Variants in SHPRH observed in about 807,000 individuals in gnomAD.
The protein encoded by SHPRH is SNF2 histone linker PHD RING helicase, also known as E3 ubiquitin-protein ligase SHPRH.
SHPRH carries 106 observed loss-of-function variants against 202.5 expected under a neutral mutation model. The ratio of observed to expected loss-of-function variants is 0.52; its 90% CI spans 0.45 to 0.62. The LOEUF is 0.62. SHPRH is among the 20% of genes least tolerant of loss of function. The probability of loss-of-function intolerance (pLI) is 0.00; values close to 1 mark genes in which losing one functional copy is unlikely to be tolerated. For synonymous variants in SHPRH, 729 were observed against 686.0 expected, an observed-to-expected ratio of 1.06 and a Z score of -0.98; for missense variants, 1,710 against 2,020.0, an observed-to-expected ratio of 0.85 and a Z score of 2.94.
chr6:145,887,239 C>G (rs949469540), intron 29 of SHPRH, among the ~76,000 whole-genome samples: 2 of 152,116 alleles, frequency 1.3e-5, no homozygotes, highest in Non-Finnish European at 2.9e-5. Flanking sequence ...CTTGTGGAAG[C>G]CTCTTTCCTT....
rs757776066 is a variant in SHPRH, at chr6:145,913,527, C to A, written c.4277G>T (p.Gly1426Val). 1 of 1,608,804 alleles carries A rather than the reference C, an allele frequency of 6.2e-7. No individual in the cohort carries two copies. The highest frequency in any genetic ancestry group is 1.1e-5 in the South Asian group (1 of 90,116). Residue 1426 changes from glycine (G) to valine (V), a missense_variant, in exon 24 of 30, where the codon GGT becomes GTT. Gly to Val is a moderately radical substitution (Grantham distance 109, BLOSUM62 -3). Transcript: ENST00000275233. ...GATTGGGCAAGGTTCTGGATTAACA[C>A]CTCCCGATGTTTTATCTTGAGACTA... is the stretch of plus-strand genomic sequence containing the variant. Reference protein sequence around the residue: ...LEKSQDKTSGGVNPEPCPICA... With the variant: ...LEKSQDKTSGVVNPEPCPICA...
At chr6:145,900,840 G>C (rs1215852171) in intron 25 of SHPRH, among the ~76,000 whole-genome samples, 1 of 152,018 alleles carries the variant, frequency 6.6e-6, no homozygotes, top group African/African-American at 2.4e-5. Flanking sequence ...TAAATATGCT[G>C]TATTGTGATT....
At chr6:145,894,668 T>G (rs1487126929) in intron 26 of SHPRH, among the ~76,000 whole-genome samples, 1 of 152,036 alleles carries the variant, frequency 6.6e-6, no homozygotes, top group African/African-American at 2.4e-5. Context: ...TAAATGAAAC[T>G]AATAAAAAGT....
At position 145,954,611 on chromosome 6, in the gene SHPRH, A is replaced by C. The variant is rs1006345124; in HGVS notation, c.633+79T>G. The C allele has an allele frequency of 4.8e-6, 7 of 1,445,994 alleles. No individual in the cohort carries two copies. The Admixed American group carries it at 9.5e-5, about 20-fold the overall frequency. 89.6% of individuals were successfully genotyped at this position (1,445,994 alleles called of 1,614,324 possible). A position where few individuals can be genotyped will look rare whatever the true frequency, so the allele number is the denominator to read the frequency against. ...GAAAGGCTTATTGCTGGCTTTTCAGACTTCTCTCACAAGTTAATTTAAAAT... is the reference window on the plus strand; with the variant it reads ...GAAAGGCTTATTGCTGGCTTTTCAGCCTTCTCTCACAAGTTAATTTAAAAT... On this transcript the variant is annotated intron_variant, in intron 2 of 29. Coordinates refer to ENST00000275233, the MANE Select transcript of SHPRH (RefSeq NM_001042683.3).
chr6:145,937,216 T>C (rs1411477734), intron 11 of SHPRH, among the ~76,000 whole-genome samples: 1 of 152,008 alleles, frequency 6.6e-6, no homozygotes, highest in African/African-American at 2.4e-5. Flanking sequence ...ACTCCTGACC[T>C]CAGATGATCC....
chr6:145,960,548 G>C (rs192692318), intron 1 of SHPRH, among the ~76,000 whole-genome samples: 72 of 152,270 alleles, frequency 4.7e-4, no homozygotes, highest in Non-Finnish European at 7.5e-4. Context: ...TTAGCAAAGC[G>C]ATGTGGCTTA....
intron 25 of SHPRH, among the ~76,000 whole-genome samples, chr6:145,901,094 T>C (rs999779945): frequency 6.6e-6 from 1 of 152,132 alleles, no homozygotes; most frequent in Non-Finnish European, 1.5e-5. Context: ...ACCATAAATA[T>C]ATACAATATT....
chr6:145,873,716 G>C (rs954848847), intron 2 of SHPRH, among the ~76,000 whole-genome samples: 2 of 142,508 alleles, frequency 1.4e-5, no homozygotes, highest in African/African-American at 2.6e-5. Context: ...AGGAAGGAAG[G>C]GAGGGAGGGA....
At chr6:145,932,161 T>A (rs1258852863) in intron 14 of SHPRH, among the ~76,000 whole-genome samples, 1 of 152,164 alleles carries the variant, frequency 6.6e-6, no homozygotes, top group African/African-American at 2.4e-5. Flanking sequence ...CTACTTAACA[T>A]GTTTCATCTT....
chr6:145,947,436 G>A (rs1036805675), intron 6 of SHPRH, 57 bp downstream of exon 6: 26 of 1,563,768 alleles, frequency 1.7e-5, no homozygotes, highest in Non-Finnish European at 2.2e-5. Context: ...TTCAACATAC[G>A]ATGCTTTTCG....
chr6:145,859,894 C>T (rs1360771102), downstream of SHPRH, among the ~76,000 whole-genome samples: 2 of 152,018 alleles, frequency 1.3e-5, no homozygotes, highest in Non-Finnish European at 2.9e-5. Context: ...GTATGTTTTA[C>T]AGATACATTA....
At position 145,963,738 on chromosome 6, in the gene SHPRH, T is replaced by A. The variant is rs936149818; in HGVS notation, c.-40A>T. The A allele has an allele frequency of 1.3e-5, 2 of 152,172 alleles. No individual in the cohort carries two copies. Among genetic ancestry groups the A allele is most frequent in the Non-Finnish European group, 2.9e-5 (2 of 68,030 alleles). The allele number at this position is 152,172 out of a possible 1,614,324, so 9.4% of individuals were successfully genotyped here. On this transcript the variant is annotated 5_prime_UTR_variant, in exon 1 of 30. Transcript: ENST00000275233. ...GCGGCGCACGGTACCCACTCAGTTA[T>A]CTTCCGAAAGACCCACAAGCGGCTC...
rs937157706 is a variant in SHPRH, at chr6:145,894,527, C to T, written c.4609-291G>A. 4.7e-5 allele frequency among the ~76,000 whole-genome samples: 7 copies of T among 148,974 alleles called. No homozygotes were observed. In the East Asian group the frequency reaches 7.8e-4, roughly 17 times the overall value. ...TACTGGAATATAGTTACTTAGTTTT[C>T]GAAAATGAAAACTAAGGGTTTTACT... is the stretch of plus-strand genomic sequence containing the variant. On this transcript the variant is annotated intron_variant, in intron 26 of 29. Coordinates refer to ENST00000275233, the MANE Select transcript of SHPRH (RefSeq NM_001042683.3).
intron 1 of SHPRH, among the ~76,000 whole-genome samples, chr6:145,956,007 C>T (rs901237580): frequency 2.0e-5 from 3 of 151,540 alleles, no homozygotes; most frequent in African/African-American, 4.9e-5. Context: ...ACATCTAAAA[C>T]GAAAAACACA....
intron 18 of SHPRH, among the ~76,000 whole-genome samples, 188 bp from the exon 19 acceptor site, chr6:145,923,024 C>T (rs1342681403): frequency 4.0e-5 from 6 of 150,098 alleles, no homozygotes; most frequent in Non-Finnish European, 5.9e-5. Flanking sequence ...GGCTGTCTAC[C>T]GTAAAAGATA....
intron 18 of SHPRH, 43 bp from the exon 19 acceptor site, chr6:145,922,879 T>C: frequency 6.7e-7 from 1 of 1,487,328 alleles, no homozygotes; most frequent in Non-Finnish European, 8.9e-7. Context: ...AAGAAAAGAA[T>C]AATAGGTCAA....
At chr6:145,863,661 G>C (rs1036477130), downstream of SHPRH, among the ~76,000 whole-genome samples, 5 of 152,170 alleles carry the variant, frequency 3.3e-5, no homozygotes, top group African/African-American at 1.2e-4. Context: ...GACTGGGCTA[G>C]TTAATAAAGG....
intron 28 of SHPRH, among the ~76,000 whole-genome samples, chr6:145,890,007 C>T (rs985253308): frequency 1.3e-5 from 2 of 152,200 alleles, no homozygotes; most frequent in Non-Finnish European, 2.9e-5. Context: ...CATTGTCAAG[C>T]ATTCTCCCTG....
chr6:145,921,295 T>C lies in SHPRH; in HGVS notation c.3880A>G (p.Ile1294Val), dbSNP rs1784410063. 6.2e-7 allele frequency: 1 copy of C among 1,613,030 alleles called. No homozygotes were observed. Residue 1294 changes from isoleucine to valine, a missense_variant, in exon 21 of 30, where the codon ATA becomes GTA. Coordinates refer to ENST00000275233, the MANE Select transcript of SHPRH (RefSeq NM_001042683.3). Reference protein sequence around the residue: ...APTTTRGLWAISETERSMKAI... With the variant: ...APTTTRGLWAVSETERSMKAI... ...TTCATAGATCGCTCTGTCTCACTTATTGCCCAGAGACCCCGGGTGGTGGTA... is the reference window on the plus strand; with the variant it reads ...TTCATAGATCGCTCTGTCTCACTTACTGCCCAGAGACCCCGGGTGGTGGTA...
Sources: allele counts gnomAD v4.1 joint callset (sites outside exome capture counted in the v4.1 genomes callset), GRCh38; gene constraint gnomAD v4.1.1; transcripts MANE v1.5; gene names NCBI Gene and HGNC (gene_info 2026-07-23, HGNC 2026-07-21).